Variants in ANO8 observed in about 807,000 individuals in gnomAD.
ANO8 encodes anoctamin-8.
ANO8 carries 67 observed loss-of-function variants against 120.4 expected under a neutral mutation model. The observed-to-expected ratio is 0.56, with a 90% CI of 0.46 to 0.68. The LOEUF (loss-of-function observed/expected upper bound fraction) is 0.68. ANO8 is among the 30% of genes least tolerant of loss of function. The pLI, the probability that ANO8 is intolerant of heterozygous loss-of-function variation, is 0.00. For missense variants in ANO8, 1,526 were observed against 1,737.6 expected, an observed-to-expected ratio of 0.88 and a Z score of 2.16; for synonymous variants, 727 against 759.2, an observed-to-expected ratio of 0.96 and a Z score of 0.70.
At chr19:17,329,473 C>T (rs1456986004) in intron 12 of ANO8, 2 of 497,780 alleles carry the variant, frequency 4.0e-6, no homozygotes, top group East Asian at 3.5e-5. Context: ...ACCGCAGGGC[C>T]GCGAGCGGGA....
Position 17,328,342 on chromosome 19 carries a change from G to C in ANO8, c.2046C>G (p.Ala682=), listed in dbSNP as rs771946384. The C allele has an allele frequency of 4.9e-5, 78 of 1,578,854 alleles. No homozygotes were observed. The highest frequency in any genetic ancestry group is 6.5e-5 in the Non-Finnish European group (76 of 1,165,856). ...REPPAILFRR[A]GGEGRDQGPD... ...GCCCCTGGTCTCGGCCCTCGCCCCC[G>C]GCCCGGCGGAACAAGATGGCCGGGG... Residue 682 remains alanine, a synonymous_variant, in exon 13 of 18, where the codon GCC becomes GCG. Transcript: ENST00000159087.
intron 12 of ANO8, chr19:17,329,347 G>A (rs751370802): frequency 7.1e-5 from 24 of 339,806 alleles, no homozygotes; most frequent in Admixed American, 5.1e-4. Context: ...GGCGCGCCAG[G>A]CCCCCAGCAC....
Position 17,329,371 on chromosome 19 carries a change from AC to A in ANO8, c.1404+385del, listed in dbSNP as rs1169338701. The stretch of plus-strand genomic sequence containing the variant: ...GGCCCCCAGCACAGCCACGCTGCCC[AC>A]CCCGGCGAGGACCCACGGGCTCGCC... On this transcript the variant is annotated intron_variant, in intron 12 of 17. Coordinates refer to ENST00000159087, the MANE Select transcript of ANO8 (RefSeq NM_020959.3). 4.1e-5 allele frequency: 14 copies of A among 343,558 alleles called. No individual in the cohort carries two copies. In the Admixed American group the frequency reaches 6.0e-4, roughly 15 times the overall value. 21.3% of individuals were successfully genotyped at this position (343,558 alleles called of 1,614,324 possible).
rs745985520 is a variant in ANO8 at position 17,325,335 on chromosome 19, G to A, written c.2713C>T (p.Arg905Trp). 24 of 1,601,616 alleles carry A rather than the reference G, an allele frequency of 1.5e-5. No individual in the cohort carries two copies. Among genetic ancestry groups the A allele is most frequent in the Admixed American group, 1.7e-5 (1 of 59,764 alleles). The change falls in exon 17 of 18, where the codon CGG (arginine) becomes TGG (tryptophan). Residue 905 changes from arginine to tryptophan, a missense_variant. Coordinates refer to ENST00000159087, the MANE Select transcript of ANO8 (RefSeq NM_020959.3). ...TGGCGCTGTCGCTCCTCCTCCTCCCGCCGCCTGCGCTGCTGCTGCTGGTAG... is the reference window on the plus strand; with the variant it reads ...TGGCGCTGTCGCTCCTCCTCCTCCCACCGCCTGCGCTGCTGCTGCTGGTAG... The part of the protein sequence containing the change: ...HRYQQQQRRR[R>W]EEEERQRHAE...
intron 10 of ANO8, 33 bp from the exon 11 acceptor site, chr19:17,330,047 C>T (rs375974393): frequency 6.8e-6 from 11 of 1,613,786 alleles, no homozygotes; most frequent in African/African-American, 2.7e-5. Flanking sequence ...AGGGGGCAGC[C>T]GCGGTCCCCC....
At position 17,334,728 on chromosome 19, in the gene ANO8, C is replaced by T. The variant is rs570123180; in HGVS notation, c.-58G>A. The T allele has an allele frequency of 1.5e-6, 2 of 1,302,166 alleles. No homozygotes were observed. Among genetic ancestry groups the T allele is most frequent in the South Asian group, 3.6e-5 (2 of 54,818 alleles). 80.7% of individuals were successfully genotyped at this position (1,302,166 alleles called of 1,614,324 possible). A position where few individuals can be genotyped will look rare whatever the true frequency, so the allele number is the denominator to read the frequency against. ...GGCCCGGGCGACGGGGAGCCGCGGG[C>T]TCATGGGGCCGGTGCAGCCGCGGAG... On this transcript the variant is annotated 5_prime_UTR_variant, in exon 1 of 18. Transcript: ENST00000159087.
Position 17,333,197 on chromosome 19 carries a change from C to A in ANO8, c.393G>T (p.Val131=), listed in dbSNP as rs1210599473. The change falls in exon 4 of 18, where the codon GTG becomes GTT. Residue 131 remains valine (V), a synonymous_variant. Coordinates refer to ENST00000159087, the MANE Select transcript of ANO8 (RefSeq NM_020959.3). The surrounding 1 kb of genome is among the most constrained non-coding windows in gnomAD (Gnocchi z 7.2). ...GGGTGCCCCCGCCAAACTCGGCCTTCACTGCTTTGCGCAGACCCAGCTCGT... is the reference window on the plus strand; with the variant it reads ...GGGTGCCCCCGCCAAACTCGGCCTTAACTGCTTTGCGCAGACCCAGCTCGT... ...GADELGLRKA[V]KAEFGGGTRG... The A allele has an allele frequency of 1.2e-6, 2 of 1,610,748 alleles. No homozygotes were observed. Among genetic ancestry groups the A allele is most frequent in the East Asian group, 4.5e-5 (2 of 44,710 alleles).
rs1409843408 is a variant in ANO8, at chr19:17,328,152, CCCT to C, written c.2226+7_2226+9del. 1.3e-6 allele frequency: 2 copies of C among 1,550,628 alleles called. No homozygotes were observed. The highest frequency in any genetic ancestry group is 1.2e-5 in the South Asian group (1 of 84,826). On this transcript the variant is annotated splice_region_variant and intron_variant, in intron 13 of 17. Coordinates refer to ENST00000159087, the MANE Select transcript of ANO8 (RefSeq NM_020959.3). Reference sequence around the variant, plus strand: ...GCCCCGCCCCCTGCGAGGCCCCGCCCCCTCCTCACCTCGTACTTCTTCATACAG... The same window carrying C: ...GCCCCGCCCCCTGCGAGGCCCCGCCCCCTCACCTCGTACTTCTTCATACAG...
At chr19:17,330,071 G>A in intron 10 of ANO8, 54 bp downstream of exon 10, 4 of 1,613,906 alleles carry the variant, frequency 2.5e-6, no homozygotes, top group Non-Finnish European at 3.4e-6. Flanking sequence ...GGGTGGCAGG[G>A]ATCCCAAGGG....
chr19:17,328,138 T>TGCGAGGCCCCGCCCCCA, intron 13 of ANO8, 24 bp downstream of exon 13: 182 of 1,145,082 alleles, frequency 1.6e-4, no homozygotes, highest in Non-Finnish European at 2.0e-4. Context: ...CCCCGCCCCC[T>TGCGAGGCCCCGCCCCCA]GCGAGGCCCC....
intron 5 of ANO8, 106 bp downstream of exon 5, chr19:17,332,824 C>T (rs979561007): frequency 6.2e-6 from 8 of 1,291,584 alleles, no homozygotes; most frequent in East Asian, 2.4e-5. Flanking sequence ...TTTGCCAACC[C>T]CTGACTGGTT....
In ANO8 at chr19:17,331,084, G is replaced by T. The variant is rs1206389111; in HGVS notation, c.831+4C>A. On this transcript the variant is annotated splice_donor_region_variant and intron_variant, in intron 7 of 17. Transcript: ENST00000159087. ...CCAGACCTTGCAGGGTCCCTGCCCA[G>T]TACCTGATCAGCCTCTGTGAATGTG... The T allele has an allele frequency of 6.2e-7, 1 of 1,614,178 alleles. No individual in the cohort carries two copies. Among genetic ancestry groups the T allele is most frequent in the East Asian group, 2.2e-5 (1 of 44,878 alleles).
At chr19:17,324,581 C>T (rs2074260092) in intron 17 of ANO8, 136 bp downstream of exon 17, 5 of 1,418,924 alleles carry the variant, frequency 3.5e-6, no homozygotes, top group Non-Finnish European at 4.7e-6. Context: ...GCTCCACGTA[C>T]CACTGACCCA....
At chr19:17,328,131 C>T (rs2074286055) in intron 13 of ANO8, 31 bp downstream of exon 13, 2 of 1,504,904 alleles carry the variant, frequency 1.3e-6, no homozygotes, top group Non-Finnish European at 1.8e-6. Flanking sequence ...GGCGAGGCCC[C>T]GCCCCCTGCG....
At chr19:17,329,016 T>TG (rs1434604871) in intron 12 of ANO8, 33 bp from the exon 13 acceptor site, 15 of 1,405,642 alleles carry the variant, frequency 1.1e-5, no homozygotes, top group Admixed American at 2.9e-5. Context: ...GAGAGGCGCG[T>TG]GGGGGGCAAG....
In ANO8 at chr19:17,328,610, T is replaced by C. The variant is rs1490242583; in HGVS notation, c.1778A>G (p.Glu593Gly). The C allele has an allele frequency of 3.2e-6, 5 of 1,541,148 alleles. No homozygotes were observed. The highest frequency in any genetic ancestry group is 4.4e-6 in the Non-Finnish European group (5 of 1,143,086). Reference sequence around the variant, plus strand: ...CTCCTCCTCGTCCTCCTCTTCCTCCTCGTCCTCCTCCTCCTCGTCGTCCTC... The same window carrying C: ...CTCCTCCTCGTCCTCCTCTTCCTCCCCGTCCTCCTCCTCCTCGTCGTCCTC... ...EDEDDEEEED[E>G]EEEEDEEEGE... is the part of the protein sequence containing the mutation. The change falls in exon 13 of 18, where the codon GAG becomes GGG. Residue 593 changes from glutamate to glycine, a missense_variant. Physicochemically the swap from Glu to Gly is moderately conservative, Grantham distance 98 (BLOSUM62 -2). This residue lies in a region of ANO8 where 467 missense variants were observed against 425.8 expected (regional missense o/e 1.10). Transcript: ENST00000159087.
rs1390244070 is a variant in ANO8, at chr19:17,328,594, G to A, written c.1794C>T (p.Asp598=). The change falls in exon 13 of 18, where the codon GAC becomes GAT. Residue 598 remains aspartate (D), a synonymous_variant. Transcript: ENST00000159087. The part of the protein sequence containing the change: ...EEEEDEEEEE[D]EEEGEEGGLL... ...GGCCCCCTTCCTCGCCCTCCTCCTC[G>A]TCCTCCTCTTCCTCCTCGTCCTCCT... is the stretch of plus-strand genomic sequence containing the variant. The A allele has an allele frequency of 6.5e-7, 1 of 1,544,276 alleles. No individual in the cohort carries two copies. The highest frequency in any genetic ancestry group is 1.2e-5 in the South Asian group (1 of 83,756).
Position 17,332,940 on chromosome 19 carries a change from G to A in ANO8, c.576C>T (p.Asp192=). 6.2e-7 allele frequency: 1 copy of A among 1,614,138 alleles called. No homozygotes were observed. Among genetic ancestry groups the A allele is most frequent in the Middle Eastern group, 1.7e-4 (1 of 6,040 alleles). ...CCCCGCCCTGCTCACTGATTGGCTG[G>A]TCCTCCAGGAAGCGCACGTTGTGGA... ...EALHNVRFLE[D]QPIIPELAAR... is the part of the protein sequence containing the mutation. The change falls in exon 5 of 18, where the codon GAC becomes GAT. Residue 192 remains aspartate (D), a synonymous_variant. Transcript: ENST00000159087.
At chr19:17,334,496 T>C in intron 1 of ANO8, 69 bp downstream of exon 1, 1 of 1,313,612 alleles carries the variant, frequency 7.6e-7, no homozygotes, top group Non-Finnish European at 1.0e-6. Flanking sequence ...CTGATCCTCC[T>C]CCCCGTGTAG....
Sources: gnomAD v4.1 joint callset for allele counts on GRCh38, gnomAD v4.1.1 for gene constraint, gnomAD v4.1.1 regional missense constraint, Gnocchi (gnomAD v3.1) non-coding constraint, MANE v1.5 for transcripts, NCBI Gene and HGNC (gene_info 2026-07-23, HGNC 2026-07-21) for gene names.